Variants in SOX5 observed in about 807,000 individuals in gnomAD.
SOX5 encodes SRY-box transcription factor 5.
SOX5 carries 9 observed loss-of-function variants against 92.0 expected under a neutral mutation model. That is an observed-to-expected ratio of 0.10 (90% confidence interval 0.06 to 0.17). The LOEUF is 0.17. Among genes scored for constraint, SOX5 ranks in the 10% least tolerant of loss-of-function variants. The pLI is 1.00. For synonymous variants in SOX5, 344 were observed against 336.3 expected (o/e 1.02, Z -0.25); for missense variants, 642 against 944.5 (o/e 0.68, Z 4.20).
intron 1 of SOX5, among the ~76,000 whole-genome samples, chr12:24,445,530 G>A (rs556645519): frequency 9.2e-5 from 14 of 152,252 alleles, no homozygotes; most frequent in East Asian, 5.8e-4. Context: ...AACAGGTAAC[G>A]CAAGGAATAC....
intron 4 of SOX5, among the ~76,000 whole-genome samples, chr12:24,086,653 TA>T (rs2137695854): frequency 6.6e-6 from 1 of 152,172 alleles, no homozygotes; most frequent in East Asian, 1.9e-4. Flanking sequence ...ACTATATTAT[TA>T]CTTACTTGTT....
chr12:24,165,527 T>C (rs930700758), intron 4 of SOX5, among the ~76,000 whole-genome samples: 37 of 152,166 alleles, frequency 2.4e-4, no homozygotes, highest in African/African-American at 8.9e-4. Flanking sequence ...TTCTAATGGA[T>C]CAAAATAACT....
chr12:24,481,276 G>A (rs1284315574), intron 1 of SOX5, among the ~76,000 whole-genome samples: 1 of 152,072 alleles, frequency 6.6e-6, no homozygotes, highest in Non-Finnish European at 1.5e-5. Context: ...AGTGGGGGTG[G>A]GGGGTTGGAA....
intron 4 of SOX5, among the ~76,000 whole-genome samples, chr12:24,030,334 G>C (rs1302679936): frequency 6.6e-6 from 1 of 151,650 alleles, no homozygotes. Flanking sequence ...CATGATACTG[G>C]CATAAAAACA....
intron 2 of SOX5, among the ~76,000 whole-genome samples, chr12:23,859,450 G>A (rs1206675292): frequency 6.6e-6 from 1 of 152,192 alleles, no homozygotes; most frequent in African/African-American, 2.4e-5. Flanking sequence ...CCAGCCTGGT[G>A]AATTCTAGTC....
At chr12:24,415,334 T>A (rs1412723328) in intron 1 of SOX5, among the ~76,000 whole-genome samples, 1 of 152,220 alleles carries the variant, frequency 6.6e-6, no homozygotes, top group Non-Finnish European at 1.5e-5. Context: ...GACTTGTTCC[T>A]CTTTCCAGCC....
chr12:24,243,200 A>T (rs964867347), intron 3 of SOX5, among the ~76,000 whole-genome samples: 1 of 152,198 alleles, frequency 6.6e-6, no homozygotes, highest in African/African-American at 2.4e-5. Context: ...CATTTACCTG[A>T]TCCTACAACA....
At position 24,031,004 on chromosome 12, in the gene SOX5, C is replaced by T. The variant is rs1325311723; in HGVS notation, c.-1-134980G>A. On this transcript the variant is annotated intron_variant, in intron 4 of 4. Transcript: ENST00000446891. ...AAAACTACAATGAGGTATCACCTCA[C>T]ACCTGTTAGAATGCTATTATGAAAA... is the stretch of plus-strand genomic sequence containing the variant. Among the ~76,000 whole-genome samples the T allele has an allele frequency of 2.0e-5, 3 of 151,880 alleles. No individual in the cohort carries two copies. The East Asian group carries it at 5.8e-4, about 29-fold the overall frequency.
chr12:23,645,902 A>G (rs2080780318), intron 7 of SOX5, among the ~76,000 whole-genome samples: 1 of 152,226 alleles, frequency 6.6e-6, no homozygotes, highest in African/African-American at 2.4e-5. Context: ...AGCACAATAA[A>G]GCAAGTTATG....
chr12:23,649,395 T>C (rs2081277344), intron 7 of SOX5, among the ~76,000 whole-genome samples: 2 of 152,130 alleles, frequency 1.3e-5, no homozygotes, highest in African/African-American at 4.8e-5. Context: ...CTCATGAGAT[T>C]CATACTTAGT....
At chr12:23,941,034 C>T (rs565078065) in intron 1 of SOX5, among the ~76,000 whole-genome samples, 6 of 151,364 alleles carry the variant, frequency 4.0e-5, no homozygotes, top group African/African-American at 1.5e-4. Flanking sequence ...CGGGAATGAA[C>T]CTTGTTTGTA....
At chr12:24,310,823 T>C (rs1022916048) in intron 2 of SOX5, among the ~76,000 whole-genome samples, 37 of 152,210 alleles carry the variant, frequency 2.4e-4, no homozygotes, top group South Asian at 1.5e-3. Context: ...CTGACCTTCA[T>C]TGAAGGATTT....
At chr12:23,701,282 A>G (rs1403424109) in intron 6 of SOX5, among the ~76,000 whole-genome samples, 3 of 152,080 alleles carry the variant, frequency 2.0e-5, no homozygotes, top group Non-Finnish European at 4.4e-5. Context: ...GTTATCTCCA[A>G]CAGAACTAGT....
At chr12:23,554,255 G>C (rs1350701192) in intron 11 of SOX5, among the ~76,000 whole-genome samples, 1 of 152,024 alleles carries the variant, frequency 6.6e-6, no homozygotes, top group Non-Finnish European at 1.5e-5. Context: ...GCGCAGTGAA[G>C]ACAGGAAGAA....
chr12:23,906,499 C>T (rs1375192072), intron 1 of SOX5, among the ~76,000 whole-genome samples: 4 of 152,164 alleles, frequency 2.6e-5, no homozygotes, highest in African/African-American at 4.8e-5. Context: ...CATAACCAGG[C>T]GTGACAGCGC....
At chr12:23,902,156 TA>T (rs556599968) in intron 1 of SOX5, among the ~76,000 whole-genome samples, 3 of 151,956 alleles carry the variant, frequency 2.0e-5, no homozygotes, top group Non-Finnish European at 2.9e-5. Flanking sequence ...CTAAAAACTT[TA>T]AAAAAAACTT....
At chr12:24,006,738 T>C (rs1402172332) in intron 4 of SOX5, among the ~76,000 whole-genome samples, 1 of 151,572 alleles carries the variant, frequency 6.6e-6, no homozygotes, top group African/African-American at 2.4e-5. Context: ...ACCTGTCTTA[T>C]TTATTTGTAT....
At chr12:24,097,973 A>C (rs1945627665) in intron 4 of SOX5, among the ~76,000 whole-genome samples, 3 of 152,138 alleles carry the variant, frequency 2.0e-5, no homozygotes, top group Admixed American at 2.0e-4. Context: ...GAGAATCTAC[A>C]CTATTCTATG....
intron 1 of SOX5, among the ~76,000 whole-genome samples, chr12:23,906,567 T>C (rs982945054): frequency 1.3e-5 from 2 of 152,112 alleles, no homozygotes; most frequent in Admixed American, 6.6e-5. Flanking sequence ...ACCTCCTGAG[T>C]TTCCCCAGAT....
Sources: gnomAD v4.1 joint callset for allele counts (sites outside exome capture counted in the v4.1 genomes callset) on GRCh38, gnomAD v4.1.1 for gene constraint, MANE v1.5 for transcripts, NCBI Gene and HGNC (gene_info 2026-07-23, HGNC 2026-07-21) for gene names.